The following GRID2 variants were observed in gnomAD, a reference collection of about 807,000 sequenced individuals.
The protein encoded by GRID2 is glutamate receptor ionotropic, delta-2.
GRID2 carries 33 observed loss-of-function variants against 114.8 expected under a neutral mutation model. The ratio of observed to expected loss-of-function variants is 0.29; its 90% CI spans 0.22 to 0.38. GRID2 has a LOEUF of 0.38. GRID2 is among the 10% of genes least tolerant of loss of function. GRID2 has a pLI of 1.00. For missense variants in GRID2, 1,184 were observed against 1,257.7 expected (o/e 0.94, Z 0.89); for synonymous variants, 505 against 449.9 (o/e 1.12, Z -1.55).
chr4:93,712,054 T>G (rs1041772798), intron 14 of GRID2, among the ~76,000 whole-genome samples: 1 of 152,180 alleles, frequency 6.6e-6, no homozygotes, highest in Non-Finnish European at 1.5e-5. Context: ...ATTCCTTTGT[T>G]GTTTTCATGT....
chr4:93,785,908 T>C (rs569588246), intron 1 of GRID2, among the ~76,000 whole-genome samples: 1 of 152,246 alleles, frequency 6.6e-6, no homozygotes, highest in Non-Finnish European at 1.5e-5. Flanking sequence ...GGGCTTGTAA[T>C]TGACATCATG....
At chr4:92,360,876 A>T (rs1728585324) in intron 1 of GRID2, among the ~76,000 whole-genome samples, 1 of 151,952 alleles carries the variant, frequency 6.6e-6, no homozygotes, top group African/African-American at 2.4e-5. Context: ...TATCAACTGT[A>T]AGTCTTCATT....
chr4:93,041,551 A>T (rs754881946), intron 2 of GRID2, among the ~76,000 whole-genome samples: 2 of 152,174 alleles, frequency 1.3e-5, no homozygotes, highest in Non-Finnish European at 2.9e-5. Context: ...ACATGTAGTT[A>T]AACTTATATG....
rs7672675 is a variant in GRID2, at chr4:93,474,855, A to G, written c.1859-15784A>G. ...CATAAGCCTGTTGTGAAGATTAAAT[A>G]AGAATACAGTTCTAAAACACTTAAA... On this transcript the variant is annotated intron_variant, in intron 11 of 15. Coordinates refer to ENST00000282020, the MANE Select transcript of GRID2 (RefSeq NM_001510.4). 7.9e-3 allele frequency among the ~76,000 whole-genome samples: 1,207 copies of G among 152,284 alleles called. 17 individuals are homozygous for G. Among genetic ancestry groups the G allele is most frequent in the African/African-American group, 0.028 (1,158 of 41,568 alleles).
chr4:92,449,661 CTA>C (rs1560638425), intron 1 of GRID2, among the ~76,000 whole-genome samples: 1 of 112,158 alleles, frequency 8.9e-6, no homozygotes, highest in Non-Finnish European at 1.8e-5. Flanking sequence ...TCAAATATGT[CTA>C]TCTTTTCTTA....
At chr4:92,948,606 C>A (rs548640572) in intron 2 of GRID2, among the ~76,000 whole-genome samples, 3 of 151,788 alleles carry the variant, frequency 2.0e-5, no homozygotes, top group African/African-American at 7.3e-5. Flanking sequence ...ATAAGAAAAA[C>A]TCTGTTTTAT....
intron 12 of GRID2, among the ~76,000 whole-genome samples, chr4:93,513,266 C>A (rs1729375104): frequency 6.6e-6 from 1 of 151,612 alleles, no homozygotes. Flanking sequence ...TAGATATATT[C>A]CATTCCTTCT....
At chr4:93,153,404 A>G (rs557339817) in intron 4 of GRID2, among the ~76,000 whole-genome samples, 82 of 152,188 alleles carry the variant, frequency 5.4e-4, no homozygotes, top group African/African-American at 1.9e-3. Context: ...CAGTACTCAG[A>G]GGACAGGAAA....
At position 92,369,393 on chromosome 4, in the gene GRID2, T is replaced by C. The variant is rs1308120876; in HGVS notation, c.88+64649T>C. On this transcript the variant is annotated intron_variant, in intron 1 of 15. Coordinates refer to ENST00000282020, the MANE Select transcript of GRID2 (RefSeq NM_001510.4). ...TCATAACCAATTCAATTGTTAAATA[T>C]TGTAATCAAGCAAATACAAACCACC... 2.6e-5 allele frequency among the ~76,000 whole-genome samples: 4 copies of C among 152,124 alleles called. No homozygotes were observed. In the East Asian group the frequency reaches 7.7e-4, roughly 29 times the overall value.
intron 14 of GRID2, among the ~76,000 whole-genome samples, chr4:93,745,905 A>G (rs1045806635): frequency 5.9e-5 from 9 of 152,204 alleles, no homozygotes; most frequent in African/African-American, 2.2e-4. Flanking sequence ...AAAGAAAAAC[A>G]TTAAACAATG....
chr4:93,508,011 G>C (rs1303693826), intron 12 of GRID2, among the ~76,000 whole-genome samples: 1 of 151,814 alleles, frequency 6.6e-6, no homozygotes, highest in Non-Finnish European at 1.5e-5. Flanking sequence ...ACTGCTGTGG[G>C]GTGGGGGAAT....
chr4:92,507,211 T>A (rs2149128428), intron 1 of GRID2, among the ~76,000 whole-genome samples: 1 of 152,112 alleles, frequency 6.6e-6, no homozygotes, highest in South Asian at 2.1e-4. Flanking sequence ...CATGCAGTAT[T>A]TCACTTCAGT....
chr4:93,755,165 G>A (rs12642295), intron 14 of GRID2, among the ~76,000 whole-genome samples: 70,973 of 152,008 alleles, frequency 0.47, 17,320 homozygotes, highest in East Asian at 0.73. Context: ...ACATAGAAAG[G>A]TAGGCTATTC....
chr4:92,893,387 G>T (rs1578404719), intron 2 of GRID2, among the ~76,000 whole-genome samples: 1 of 152,238 alleles, frequency 6.6e-6, no homozygotes, highest in East Asian at 1.9e-4. Context: ...TTTCAACCCA[G>T]GGGCATGGTG....
chr4:93,298,180 A>T (rs1363344443), intron 8 of GRID2, among the ~76,000 whole-genome samples: 1 of 152,212 alleles, frequency 6.6e-6, no homozygotes, highest in African/African-American at 2.4e-5. Flanking sequence ...GCAAACCATG[A>T]ATCTAGCAGT....
chr4:92,852,838 C>T (rs2149424946), intron 2 of GRID2, among the ~76,000 whole-genome samples: 1 of 152,040 alleles, frequency 6.6e-6, no homozygotes, highest in East Asian at 1.9e-4. Context: ...TTCATTCTCC[C>T]ATGTTATGCC....
At chr4:93,757,938 C>T (rs1004832900) in intron 14 of GRID2, among the ~76,000 whole-genome samples, 6 of 152,096 alleles carry the variant, frequency 3.9e-5, no homozygotes, top group Non-Finnish European at 8.8e-5. Flanking sequence ...GCCTGGGAAA[C>T]AGGGCGAGAC....
chr4:93,225,255 T>TG (rs1745358765), intron 7 of GRID2, among the ~76,000 whole-genome samples: 1 of 152,186 alleles, frequency 6.6e-6, no homozygotes. Flanking sequence ...GTGAACTATT[T>TG]GGGGTAACTG....
rs192593742 is a variant in GRID2 at position 92,945,592 on chromosome 4, C to T, written c.245-139403C>T. ...CCTTCGTTTTCTCTATTCCAGTGAA[C>T]GAAGTACCAGTGATGGTCACTGGGG... is the stretch of plus-strand genomic sequence containing the variant. On this transcript the variant is annotated intron_variant, in intron 2 of 15. Transcript: ENST00000282020. Among the ~76,000 whole-genome samples the T allele has an allele frequency of 3.0e-3, 456 of 152,224 alleles. 1 individual carries two copies. Among genetic ancestry groups the T allele is most frequent in the African/African-American group, 0.011 (442 of 41,550 alleles).
Sources: allele counts gnomAD v4.1 joint callset (sites outside exome capture counted in the v4.1 genomes callset), GRCh38; gene constraint gnomAD v4.1.1; transcripts MANE v1.5; gene names NCBI Gene and HGNC (gene_info 2026-07-23, HGNC 2026-07-21).